The following ADPRHL1 variants were observed in gnomAD, a reference collection of about 807,000 sequenced individuals.
ADPRHL1 encodes the protein ADP-ribosylhydrolase like 1, also known as inactive ADP-ribosyltransferase ARH2.
A neutral mutation model predicts 44.1 loss-of-function variants in ADPRHL1; 43 were observed. The ratio of observed to expected loss-of-function variants is 0.98; its 90% CI spans 0.76 to 1.26. ADPRHL1 has a LOEUF of 1.26. ADPRHL1 is among the 50% of genes most tolerant of loss of function. The probability of loss-of-function intolerance (pLI) is 0.00; values close to 1 mark genes in which losing one functional copy is unlikely to be tolerated. For missense variants in ADPRHL1, 2,022 were observed against 2,496.9 expected, an observed-to-expected ratio of 0.81 and a Z score of 4.05; for synonymous variants, 878 against 1,017.4, an observed-to-expected ratio of 0.86 and a Z score of 2.61.
chr13:113,410,538 C>A (rs139146224), intron 7 of ADPRHL1, among the ~76,000 whole-genome samples: 1 of 152,332 alleles, frequency 6.6e-6, no homozygotes, highest in Non-Finnish European at 1.5e-5. Flanking sequence ...GCTGGGACGA[C>A]TGTAAAAATA....
intron 7 of ADPRHL1, among the ~76,000 whole-genome samples, chr13:113,412,888 A>AG (rs1463684515): frequency 7.6e-5 from 3 of 39,316 alleles, no homozygotes; most frequent in South Asian, 1.7e-3. Context: ...CGCCCCGCAG[A>AG]GCTCGGTTCA....
At position 113,453,213 on chromosome 13, in the gene ADPRHL1, G is replaced by C. The variant is rs1265096179; in HGVS notation, c.214+11C>G. ...CAGCCCGCACACCGGAGCGCGGTGG[G>C]CCCAGCCTACCTGTGGTGAGGGCCT... On this transcript the variant is annotated intron_variant, in intron 1 of 7. Transcript: ENST00000612156. This position sits in a 1 kb window ranked among gnomAD's most constrained non-coding sequence, Gnocchi z 5.4. 2.5e-6 allele frequency: 4 copies of C among 1,613,808 alleles called. No homozygotes were observed. Among genetic ancestry groups the C allele is most frequent in the Non-Finnish European group, 2.5e-6 (3 of 1,179,970 alleles).
chr13:113,426,307 C>A (rs1239745104), intron 4 of ADPRHL1, among the ~76,000 whole-genome samples: 1 of 152,224 alleles, frequency 6.6e-6, no homozygotes, highest in Non-Finnish European at 1.5e-5. Flanking sequence ...CACCCCTGCC[C>A]GCCACACCCC....
At chr13:113,440,849 G>C (rs6577048) in intron 2 of ADPRHL1, among the ~76,000 whole-genome samples, 42,958 of 152,018 alleles carry the variant, frequency 0.28, 6,270 homozygotes, top group Middle Eastern at 0.45. Flanking sequence ...TTGTTTGTTT[G>C]CTTGTTTTTA....
chr13:113,434,629 T>C (rs71446962), intron 2 of ADPRHL1, among the ~76,000 whole-genome samples: 26 of 59,812 alleles, frequency 4.3e-4, no homozygotes, highest in South Asian at 1.2e-3. Context: ...AGGTGTACCC[T>C]GGGACCCAGC....
chr13:113,407,442 T>C lies in ADPRHL1; in HGVS notation c.1840A>G (p.Thr614Ala). 1 of 1,231,996 alleles carries C rather than the reference T, an allele frequency of 8.1e-7. No homozygotes were observed. The highest frequency in any genetic ancestry group is 4.1e-5 in the South Asian group (1 of 24,318). The allele number at this position is 1,231,996 out of a possible 1,614,324, so 76.3% of individuals were successfully genotyped here. A position where few individuals can be genotyped will look rare whatever the true frequency, so the allele number is the denominator to read the frequency against. The change falls in exon 8 of 8, where the codon ACG (threonine) becomes GCG (alanine). Residue 614 changes from threonine to alanine, a missense_variant. By Grantham distance (58) the Thr-to-Ala change is moderately conservative. Transcript: ENST00000612156. ...CTGAGGGCCGGCAGGGGCTCAGCCG[T>C]GCAGGCCAGAAAGCGGGCAGGGGGC... is the stretch of plus-strand genomic sequence containing the variant. ...KMPPARFLAC[T>A]AEPLPALSIA...
At chr13:113,411,714 G>A (rs964861800) in intron 7 of ADPRHL1, among the ~76,000 whole-genome samples, 5 of 152,240 alleles carry the variant, frequency 3.3e-5, no homozygotes, top group Admixed American at 1.3e-4. Flanking sequence ...GGTGAGCCCC[G>A]CCTTGCTGAG....
rs1326012036 is a variant in ADPRHL1, at chr13:113,401,790, C to G, written c.*1588G>C. ...TCGACTGGAAGGAAACCTGTGCGCT[C>G]CCCGGAGCATGACGCCACGCCGCCT... On this transcript the variant is annotated 3_prime_UTR_variant, in exon 8 of 8. Transcript: ENST00000612156. The surrounding 1 kb of genome is among the most constrained non-coding windows in gnomAD (Gnocchi z 5.5). 1.3e-5 allele frequency: 2 copies of G among 152,266 alleles called. No homozygotes were observed. Among genetic ancestry groups the G allele is most frequent in the Non-Finnish European group, 2.9e-5 (2 of 68,064 alleles). 9.4% of individuals were successfully genotyped at this position (152,266 alleles called of 1,614,324 possible). A position where few individuals can be genotyped will look rare whatever the true frequency, so the allele number is the denominator to read the frequency against.
intron 4 of ADPRHL1, among the ~76,000 whole-genome samples, chr13:113,426,411 A>G (rs998356885): frequency 1.3e-5 from 2 of 152,244 alleles, no homozygotes; most frequent in African/African-American, 4.8e-5. Context: ...TGTGCCGATC[A>G]CATGAGGTGA....
At chr13:113,419,064 T>G (rs113209106) in intron 7 of ADPRHL1, among the ~76,000 whole-genome samples, 1 of 16,650 alleles carries the variant, frequency 6.0e-5, no homozygotes, top group African/African-American at 2.6e-4. Context: ...TTCTCCTTCC[T>G]TCACTCCCTC....
At chr13:113,444,050 A>C (rs2139648091) in intron 2 of ADPRHL1, among the ~76,000 whole-genome samples, 1 of 152,376 alleles carries the variant, frequency 6.6e-6, no homozygotes, top group East Asian at 1.9e-4. Flanking sequence ...GAGCTGACAA[A>C]GGAGGGGCCC....
chr13:113,440,916 G>C (rs915748551), intron 2 of ADPRHL1, among the ~76,000 whole-genome samples: 11 of 152,094 alleles, frequency 7.2e-5, no homozygotes, highest in Admixed American at 2.0e-4. Context: ...ATTTTGGGAG[G>C]CCAAGGTGGG....
rs116822040 is a variant in ADPRHL1, at chr13:113,411,556, C to T, written c.1062-3336G>A. Among the ~76,000 whole-genome samples, 816 of 152,334 alleles carry T rather than the reference C, an allele frequency of 5.4e-3. 3 individuals are homozygous for T. Among genetic ancestry groups the T allele is most frequent in the African/African-American group, 0.019 (778 of 41,576 alleles). ...AGCGTGGAGGACGTACTTGGCCACC[C>T]GGTCCAGCTCTTCAGCTGTCACAGC... On this transcript the variant is annotated intron_variant, in intron 7 of 7. Transcript: ENST00000612156.
At position 113,425,084 on chromosome 13, in the gene ADPRHL1, G is replaced by A. The variant is rs2043958419; in HGVS notation, c.742C>T (p.Pro248Ser). ...SKDSENKAIFPDNYDAEEREK... is the reference protein window; with the variant it reads ...SKDSENKAIFSDNYDAEEREK... ...CTCTCTTCTGCATCATAATTGTCGG[G>A]GAAGATGGCTTTATTTTCTGAGTCT... Residue 248 changes from proline to serine, a missense_variant, in exon 5 of 8, where the codon CCC (proline) becomes TCC (serine). By Grantham distance (74) the Pro-to-Ser change is moderately conservative. Coordinates refer to ENST00000612156, the MANE Select transcript of ADPRHL1 (RefSeq NM_001394807.1). The A allele has an allele frequency of 6.2e-7, 1 of 1,613,562 alleles. No individual in the cohort carries two copies. The highest frequency in any genetic ancestry group is 8.5e-7 in the Non-Finnish European group (1 of 1,179,934).
chr13:113,409,965 CT>C lies in ADPRHL1; in HGVS notation c.1062-1746del. 1 of 984,732 alleles carries C rather than the reference CT, an allele frequency of 1.0e-6. No individual in the cohort carries two copies. Among genetic ancestry groups the C allele is most frequent in the Non-Finnish European group, 1.2e-6 (1 of 829,840 alleles). The allele number at this position is 984,732 out of a possible 1,614,324, so 61.0% of individuals were successfully genotyped here. On this transcript the variant is annotated intron_variant, in intron 7 of 7. Transcript: ENST00000612156. The surrounding 1 kb of genome is among the most constrained non-coding windows in gnomAD (Gnocchi z 4.2). ...GAAGGAAATGTGTGAACATACTTCT[CT>C]TTTTGTGTTTGTCTGCATTTTTCCA...
chr13:113,428,659 C>T (rs9635113), intron 4 of ADPRHL1, among the ~76,000 whole-genome samples: 1 of 152,272 alleles, frequency 6.6e-6, no homozygotes, highest in Admixed American at 6.5e-5. Flanking sequence ...GTGCCGCGGG[C>T]TGGGGTGGAC....
At position 113,400,717 on chromosome 13, in the gene ADPRHL1, A is replaced by G. The variant is rs1323268260; in HGVS notation, c.*2661T>C. 1 of 152,206 alleles carries G rather than the reference A, an allele frequency of 6.6e-6. No homozygotes were observed. The highest frequency in any genetic ancestry group is 1.5e-5 in the Non-Finnish European group (1 of 68,066). The allele number at this position is 152,206 out of a possible 1,614,324, so 9.4% of individuals were successfully genotyped here. On this transcript the variant is annotated 3_prime_UTR_variant, in exon 8 of 8. Transcript: ENST00000612156. Reference sequence around the variant, plus strand: ...TCACTGGCAGTTTTTTCCTGCACACAGAGTAGCTGTGCTGTTTTTGAGCTG... The same window carrying G: ...TCACTGGCAGTTTTTTCCTGCACACGGAGTAGCTGTGCTGTTTTTGAGCTG...
At position 113,442,128 on chromosome 13, in the gene ADPRHL1, C is replaced by A. The variant is rs117840338; in HGVS notation, c.379+2297G>T. On this transcript the variant is annotated intron_variant, in intron 2 of 7. Transcript: ENST00000612156. ...TGTTTGTCTGAGAAAGGCTATTTTG[C>A]CTTCATTTCTGAAAGATATTTTTTT... Among the ~76,000 whole-genome samples the A allele has an allele frequency of 1.9e-3, 294 of 152,336 alleles. 3 individuals are homozygous for A. Among genetic ancestry groups the A allele is most frequent in the Non-Finnish European group, 1.5e-3 (105 of 68,038 alleles).
Position 113,453,180 on chromosome 13 carries a change from G to C in ADPRHL1, c.214+44C>G. 6.2e-7 allele frequency: 1 copy of C among 1,605,006 alleles called. No homozygotes were observed. Among genetic ancestry groups the C allele is most frequent in the Admixed American group, 1.7e-5 (1 of 59,936 alleles). On this transcript the variant is annotated intron_variant, in intron 1 of 7. Transcript: ENST00000612156. The surrounding 1 kb of genome is among the most constrained non-coding windows in gnomAD (Gnocchi z 5.4). ...TACTGGGAGAACTCGAGCAGCCAGT[G>C]TTCCCTCCAGCCCGCACACCGGAGC...
Sources: allele counts gnomAD v4.1 joint callset (sites outside exome capture counted in the v4.1 genomes callset), GRCh38; gene constraint gnomAD v4.1.1; non-coding constraint Gnocchi (gnomAD v3.1); transcripts MANE v1.5; gene names NCBI Gene and HGNC (gene_info 2026-07-23, HGNC 2026-07-21).